CEP128: variants seen among roughly 807,000 people sequenced by gnomAD.
CEP128 encodes centrosomal protein 128kDa.
CEP128 carries 132 observed loss-of-function variants against 156.7 expected under a neutral mutation model. The observed-to-expected ratio is 0.84, with a 90% CI of 0.73 to 0.97. The LOEUF is 0.97. CEP128 is among the 50% of genes least tolerant of loss of function. The pLI, the probability that CEP128 is intolerant of heterozygous loss-of-function variation, is 0.00. For synonymous variants in CEP128, 469 were observed against 448.9 expected (o/e 1.04, Z -0.57); for missense variants, 1,252 against 1,281.9 (o/e 0.98, Z 0.36).
chr14:80,787,574 C>T lies in CEP128; in HGVS notation c.1561-2029G>A, dbSNP rs559215922. ...TCATTGGTTCCAGAAATTAGTGTGACTTCTTTGGGGAGGGTCATTCTACTT... is the reference window on the plus strand; with the variant it reads ...TCATTGGTTCCAGAAATTAGTGTGATTTCTTTGGGGAGGGTCATTCTACTT... On this transcript the variant is annotated intron_variant, in intron 14 of 24. Transcript: ENST00000555265. 1.7e-4 allele frequency among the ~76,000 whole-genome samples: 26 copies of T among 152,110 alleles called. 1 individual carries two copies. The South Asian group carries it at 5.2e-3, about 30-fold the overall frequency.
At chr14:80,605,978 TTTA>T (rs1321297489) in intron 19 of CEP128, among the ~76,000 whole-genome samples, 4 of 151,554 alleles carry the variant, frequency 2.6e-5, no homozygotes, top group African/African-American at 9.7e-5. Flanking sequence ...AATTATTTAT[TTTA>T]TTTTTATTAT....
At chr14:80,947,625 G>A (rs8012343) in intron 2 of CEP128, among the ~76,000 whole-genome samples, 76,458 of 151,984 alleles carry the variant, frequency 0.5, 20,929 homozygotes, top group African/African-American at 0.72. Flanking sequence ...TGCTGTCACA[G>A]AGGAGTCATG....
chr14:80,927,446 T>G (rs1222390929), intron 2 of CEP128, among the ~76,000 whole-genome samples: 1 of 152,132 alleles, frequency 6.6e-6, no homozygotes, highest in Non-Finnish European at 1.5e-5. Context: ...TAGACAGCCT[T>G]TCCATAACAC....
chr14:80,739,600 A>G (rs1363208972), intron 19 of CEP128, among the ~76,000 whole-genome samples: 2 of 152,154 alleles, frequency 1.3e-5, no homozygotes, highest in South Asian at 4.1e-4. Flanking sequence ...TTCTACTCTT[A>G]AAGACTGAGA....
chr14:80,705,474 T>A (rs1897210933), intron 19 of CEP128, among the ~76,000 whole-genome samples: 1 of 152,094 alleles, frequency 6.6e-6, no homozygotes, highest in African/African-American at 2.4e-5. Context: ...TCACAAAGAA[T>A]GTGGTGGCTT....
At chr14:80,594,384 G>A (rs1892223281) in intron 19 of CEP128, among the ~76,000 whole-genome samples, 1 of 152,088 alleles carries the variant, frequency 6.6e-6, no homozygotes, top group African/African-American at 2.4e-5. Flanking sequence ...AGAAAACCTA[G>A]GCAATACCAT....
intron 19 of CEP128, among the ~76,000 whole-genome samples, chr14:80,709,163 G>C (rs969439626): frequency 6.6e-6 from 1 of 150,958 alleles, no homozygotes; most frequent in Non-Finnish European, 1.5e-5. Context: ...TTTTGAGACG[G>C]AGTTTCGCTC....
chr14:80,722,821 C>CTTTTTTTTT (rs142796338), intron 19 of CEP128, among the ~76,000 whole-genome samples: 1 of 103,980 alleles, frequency 9.6e-6, no homozygotes, highest in African/African-American at 4.2e-5. Flanking sequence ...TACTCTTTAT[C>CTTTTTTTTT]TTTTTTTTTT....
chr14:80,506,317 T>A (rs1438974959), intron 23 of CEP128, among the ~76,000 whole-genome samples: 1 of 142,864 alleles, frequency 7.0e-6, no homozygotes, highest in Admixed American at 7.5e-5. Context: ...TCCAGGGCCA[T>A]GCTCAGGATT....
Position 80,784,938 on chromosome 14 carries a change from T to C in CEP128, c.2168A>G (p.Lys723Arg), listed in dbSNP as rs767472404. The change falls in exon 15 of 25, where the codon AAG becomes AGG. Residue 723 changes from lysine (K) to arginine (R), a missense_variant. Physicochemically the swap from Lys to Arg is conservative, Grantham distance 26. Coordinates refer to ENST00000555265, the MANE Select transcript of CEP128 (RefSeq NM_152446.5). ...QNIQELMKHF[K>R]KEKSEAENHI... ...ATTCTCAGCCTCACTCTTTTCTTTCTTAAAGTGCTTCATAAGCTCCTGGAT... is the reference window on the plus strand; with the variant it reads ...ATTCTCAGCCTCACTCTTTTCTTTCCTAAAGTGCTTCATAAGCTCCTGGAT... The C allele has an allele frequency of 3.7e-6, 6 of 1,613,908 alleles. No homozygotes were observed. Among genetic ancestry groups the C allele is most frequent in the Middle Eastern group, 1.7e-4 (1 of 6,060 alleles).
intron 19 of CEP128, among the ~76,000 whole-genome samples, chr14:80,622,412 T>A (rs1305754079): frequency 2.0e-5 from 3 of 149,904 alleles, no homozygotes; most frequent in Non-Finnish European, 4.4e-5. Context: ...GGACTTCATG[T>A]CTAAAACACC....
intron 19 of CEP128, among the ~76,000 whole-genome samples, chr14:80,612,946 T>G (rs1435999002): frequency 6.6e-6 from 1 of 151,764 alleles, no homozygotes; most frequent in East Asian, 1.9e-4. Context: ...GTTCAAGCAA[T>G]TCTCCTGCCT....
At chr14:80,669,312 A>G (rs1821854950) in intron 19 of CEP128, among the ~76,000 whole-genome samples, 2 of 152,166 alleles carry the variant, frequency 1.3e-5, no homozygotes. Flanking sequence ...ACAAAAATAG[A>G]CAAATGGGAC....
intron 15 of CEP128, among the ~76,000 whole-genome samples, chr14:80,782,879 C>T (rs796336715): frequency 5.9e-5 from 9 of 152,188 alleles, no homozygotes; most frequent in African/African-American, 2.2e-4. Context: ...TCTGATTCTC[C>T]TCCTGTCATA....
chr14:80,566,245 T>C (rs1352032872), intron 20 of CEP128, among the ~76,000 whole-genome samples: 2 of 152,224 alleles, frequency 1.3e-5, no homozygotes, highest in African/African-American at 2.4e-5. Flanking sequence ...GTTTACCTGC[T>C]ACTTCCTAAA....
At chr14:80,561,342 T>C (rs1276102206) in intron 20 of CEP128, among the ~76,000 whole-genome samples, 5 of 152,336 alleles carry the variant, frequency 3.3e-5, no homozygotes, top group Middle Eastern at 3.4e-3. Context: ...GTTGGTGACT[T>C]GTATATTGTC....
chr14:80,945,961 T>G (rs1434795491), upstream of CEP128, among the ~76,000 whole-genome samples: 1 of 152,220 alleles, frequency 6.6e-6, no homozygotes, highest in Non-Finnish European at 1.5e-5. Flanking sequence ...GGTGGTTAAA[T>G]GCACAGATTC....
intron 19 of CEP128, among the ~76,000 whole-genome samples, chr14:80,599,552 G>A (rs1017763671): frequency 1.3e-5 from 2 of 152,048 alleles, no homozygotes; most frequent in African/African-American, 4.8e-5. Flanking sequence ...TGGGATTACA[G>A]GCATGAGCCA....
At chr14:80,746,400 G>A (rs1037216923) in intron 18 of CEP128, among the ~76,000 whole-genome samples, 2 of 152,136 alleles carry the variant, frequency 1.3e-5, no homozygotes, top group Admixed American at 6.6e-5. Flanking sequence ...TATACAGACC[G>A]ATGGAACAGA....
Sources: allele counts gnomAD v4.1 joint callset (sites outside exome capture counted in the v4.1 genomes callset), GRCh38; gene constraint gnomAD v4.1.1; transcripts MANE v1.5; gene names NCBI Gene and HGNC (gene_info 2026-07-23, HGNC 2026-07-21).